ASIC2: variants seen among roughly 807,000 people sequenced by gnomAD.
The protein encoded by ASIC2 is acid sensing ion channel subunit 2, also known as acid-sensing ion channel 2.
A neutral mutation model predicts 57.3 loss-of-function variants in ASIC2; 25 were observed. The ratio of observed to expected loss-of-function variants is 0.44; its 90% CI spans 0.32 to 0.61. The LOEUF (loss-of-function observed/expected upper bound fraction) is 0.61. Ranked by LOEUF, ASIC2 falls within the 20% of genes least tolerant of loss-of-function variation. The pLI is 0.06. For missense variants in ASIC2, 641 were observed against 738.1 expected, an observed-to-expected ratio of 0.87 and a Z score of 1.52; for synonymous variants, 319 against 307.5, an observed-to-expected ratio of 1.04 and a Z score of -0.39.
chr17:33,441,666 C>T (rs780863828), intron 1 of ASIC2, among the ~76,000 whole-genome samples: 8 of 152,180 alleles, frequency 5.3e-5, no homozygotes, highest in Admixed American at 2.0e-4. Context: ...GGTGCCCTCT[C>T]TCTACCTGGA....
chr17:33,278,537 A>G (rs1173530566), intron 1 of ASIC2, among the ~76,000 whole-genome samples: 2 of 151,960 alleles, frequency 1.3e-5, no homozygotes, highest in African/African-American at 4.8e-5. Context: ...TTCTGATTCA[A>G]TAGTTCTGGT....
At chr17:33,986,222 A>G (rs1905813106) in intron 1 of ASIC2, among the ~76,000 whole-genome samples, 1 of 151,042 alleles carries the variant, frequency 6.6e-6, no homozygotes, top group African/African-American at 2.4e-5. Context: ...TTTTCCTTGC[A>G]GTATTATGAG....
chr17:33,974,642 A>ATCCATCCG (rs1905320233), intron 1 of ASIC2, among the ~76,000 whole-genome samples: 2 of 151,144 alleles, frequency 1.3e-5, no homozygotes, highest in South Asian at 4.2e-4. Context: ...CCATCCATCC[A>ATCCATCCG]TCCATAGAGC....
intron 1 of ASIC2, among the ~76,000 whole-genome samples, chr17:33,370,520 T>C (rs922457931): frequency 6.6e-6 from 1 of 152,200 alleles, no homozygotes. Flanking sequence ...TCTGGTTCTT[T>C]AGCAGTCAAA....
chr17:33,220,342 G>A (rs888418765), intron 1 of ASIC2, among the ~76,000 whole-genome samples: 1 of 152,098 alleles, frequency 6.6e-6, no homozygotes, highest in African/African-American at 2.4e-5. Context: ...GGCCCCTTTT[G>A]CCTCTGAGAG....
chr17:33,832,480 GT>G (rs1213458160), intron 1 of ASIC2, among the ~76,000 whole-genome samples: 2 of 152,210 alleles, frequency 1.3e-5, no homozygotes, highest in African/African-American at 4.8e-5. Context: ...GACAAAGGCA[GT>G]TCAGGACGTT....
chr17:33,369,321 A>T (rs1043896013), intron 1 of ASIC2, among the ~76,000 whole-genome samples: 11 of 152,190 alleles, frequency 7.2e-5, no homozygotes, highest in Non-Finnish European at 1.3e-4. Context: ...CTGCCTTGAG[A>T]AGGTGATTTG....
chr17:33,678,326 G>T lies in ASIC2; in HGVS notation c.555+477652C>A, dbSNP rs188807091. On this transcript the variant is annotated intron_variant, in intron 1 of 9. Transcript: ENST00000359872. ...ATATTGACTTTATTGTGGTGATCTG[G>T]AGCTGAATTTGCAATATCTCTGAAT... is the stretch of plus-strand genomic sequence containing the variant. 5.3e-5 allele frequency among the ~76,000 whole-genome samples: 8 copies of T among 151,928 alleles called. No individual in the cohort carries two copies. The East Asian group carries it at 1.2e-3, about 22-fold the overall frequency.
At chr17:33,604,573 T>G (rs1369112) in intron 1 of ASIC2, among the ~76,000 whole-genome samples, 20,917 of 152,122 alleles carry the variant, frequency 0.14, 1,629 homozygotes, top group Non-Finnish European at 0.17. Flanking sequence ...ATCCAGGAAC[T>G]TTTGGTCCAA....
chr17:33,495,184 C>T (rs1313098817), intron 1 of ASIC2, among the ~76,000 whole-genome samples: 1 of 152,140 alleles, frequency 6.6e-6, no homozygotes, highest in Non-Finnish European at 1.5e-5. Context: ...TGAGTGCCTC[C>T]TTAAATTTTG....
At chr17:33,155,377 G>C (rs1904961686) in intron 1 of ASIC2, among the ~76,000 whole-genome samples, 1 of 152,196 alleles carries the variant, frequency 6.6e-6, no homozygotes, top group Admixed American at 6.5e-5. Context: ...CTGAGCATCT[G>C]TGCAGGGAAT....
intron 1 of ASIC2, among the ~76,000 whole-genome samples, chr17:33,836,684 C>T (rs1214162851): frequency 6.6e-6 from 1 of 152,000 alleles, no homozygotes; most frequent in African/African-American, 2.4e-5. Flanking sequence ...GAAACGCTGT[C>T]TCTACTAAAA....
intron 1 of ASIC2, chr17:34,005,290 T>C (rs966217526): frequency 3.9e-5 from 6 of 152,250 alleles, no homozygotes; most frequent in East Asian, 1.9e-4. Context: ...CTGGACACAC[T>C]GCCAGTGGGG....
chr17:33,120,251 G>T (rs2092296522), intron 1 of ASIC2, among the ~76,000 whole-genome samples: 1 of 152,226 alleles, frequency 6.6e-6, no homozygotes, highest in South Asian at 2.1e-4. Flanking sequence ...AACTGGCAGA[G>T]ACCTTCTAGT....
chr17:33,581,919 C>A (rs183673917), intron 1 of ASIC2, among the ~76,000 whole-genome samples: 1 of 152,114 alleles, frequency 6.6e-6, no homozygotes, highest in Non-Finnish European at 1.5e-5. Context: ...CTTCCCTGAC[C>A]GTAGACCCAG....
intron 1 of ASIC2, among the ~76,000 whole-genome samples, chr17:33,749,610 C>T (rs1910368584): frequency 6.6e-6 from 1 of 152,128 alleles, no homozygotes; most frequent in Non-Finnish European, 1.5e-5. Flanking sequence ...CTCCCTCCCA[C>T]ACCTCAGAGC....
intron 1 of ASIC2, among the ~76,000 whole-genome samples, chr17:34,129,722 G>T (rs934240549): frequency 1.3e-5 from 2 of 152,154 alleles, no homozygotes; most frequent in Non-Finnish European, 2.9e-5. Flanking sequence ...AAGCTTCTTT[G>T]TCTACAGAAG....
In ASIC2 at chr17:33,152,359, C is replaced by G. The variant is rs143281584; in HGVS notation, c.709-40292G>C. On this transcript the variant is annotated intron_variant, in intron 1 of 9. Coordinates refer to ENST00000225823, the MANE Select transcript of ASIC2 (RefSeq NM_183377.2). ...GCCTCATGCTGCAAGGTCGTGAATG[C>G]CAAGTGCTCTAGTGTTTCAGAGGTG... is the stretch of plus-strand genomic sequence containing the variant. 7.7e-4 allele frequency among the ~76,000 whole-genome samples: 118 copies of G among 152,280 alleles called. 1 individual carries two copies. Among genetic ancestry groups the G allele is most frequent in the African/African-American group, 2.8e-3 (115 of 41,538 alleles).
intron 1 of ASIC2, among the ~76,000 whole-genome samples, chr17:34,032,359 G>A (rs1325880876): frequency 6.7e-6 from 1 of 149,092 alleles, no homozygotes; most frequent in African/African-American, 2.5e-5. Context: ...GCTCCTGAAG[G>A]AAGCACTAAA....
Sources: gnomAD v4.1 joint callset for allele counts (sites outside exome capture counted in the v4.1 genomes callset) on GRCh38, gnomAD v4.1.1 for gene constraint, MANE v1.5 for transcripts, NCBI Gene and HGNC (gene_info 2026-07-23, HGNC 2026-07-21) for gene names.